ANKRD33B: variants seen among roughly 807,000 people sequenced by gnomAD.
ANKRD33B encodes the protein ankyrin repeat domain-containing protein 33B.
ANKRD33B carries 6 observed loss-of-function variants against 21.5 expected under a neutral mutation model. The ratio of observed to expected loss-of-function variants is 0.28; its 90% CI spans 0.15 to 0.55. The LOEUF is 0.55. Ranked by LOEUF, ANKRD33B falls within the 20% of genes least tolerant of loss-of-function variation. The pLI is 0.94. For missense variants in ANKRD33B, 698 were observed against 747.2 expected (o/e 0.93, Z 0.77); for synonymous variants, 347 against 342.4 (o/e 1.01, Z -0.15).
intron 1 of ANKRD33B, among the ~76,000 whole-genome samples, chr5:10,616,980 C>T (rs912421596): frequency 2.6e-5 from 4 of 152,276 alleles, no homozygotes; most frequent in South Asian, 4.1e-4. Flanking sequence ...GGTTCTGGCC[C>T]GGGCCCTCTT....
intron 1 of ANKRD33B, among the ~76,000 whole-genome samples, chr5:10,615,068 A>C (rs1444707133): frequency 1.3e-5 from 2 of 152,154 alleles, no homozygotes; most frequent in East Asian, 3.9e-4. Flanking sequence ...TGAGGTGAGA[A>C]GGAGGGAAGA....
At chr5:10,594,698 G>A (rs1364127062) in intron 1 of ANKRD33B, among the ~76,000 whole-genome samples, 3 of 152,232 alleles carry the variant, frequency 2.0e-5, no homozygotes, top group Non-Finnish European at 2.9e-5. Context: ...TAAGAAGAAC[G>A]ACTCCTTGAA....
At position 10,649,950 on chromosome 5, in the gene ANKRD33B, C is replaced by T. The variant is rs1280604127; in HGVS notation, c.1322C>T (p.Pro441Leu). The change falls in exon 4 of 4, where the codon CCG (proline) becomes CTG (leucine). Residue 441 changes from proline (P) to leucine (L), a missense_variant. Physicochemically the swap from Pro to Leu is moderately conservative, Grantham distance 98. Around this residue, in one of 3 missense-constraint regions of ANKRD33B, gnomAD observed 543 missense variants for 566.5 expected, o/e 0.96. Coordinates refer to ENST00000296657, the MANE Select transcript of ANKRD33B (RefSeq NM_001164440.2). ...GCGCCCACCTTCCAGCCCGAGCGGCCGGCGCGGAAGGGCAGCACCAAGGAC... is the reference window on the plus strand; with the variant it reads ...GCGCCCACCTTCCAGCCCGAGCGGCTGGCGCGGAAGGGCAGCACCAAGGAC... ...APAPTFQPER[P>L]ARKGSTKDSG... 2.6e-6 allele frequency: 4 copies of T among 1,530,134 alleles called. No individual in the cohort carries two copies. Among genetic ancestry groups the T allele is most frequent in the East Asian group, 2.5e-5 (1 of 40,460 alleles). 94.8% of individuals were successfully genotyped at this position (1,530,134 alleles called of 1,614,324 possible).
At chr5:10,590,769 A>G (rs928124062) in intron 1 of ANKRD33B, among the ~76,000 whole-genome samples, 1 of 151,158 alleles carries the variant, frequency 6.6e-6, no homozygotes, top group Admixed American at 6.6e-5. Flanking sequence ...AGCTCCTCCT[A>G]CCCTTCACTA....
chr5:10,611,820 A>G (rs559543745), intron 1 of ANKRD33B, among the ~76,000 whole-genome samples: 4 of 152,362 alleles, frequency 2.6e-5, no homozygotes, highest in African/African-American at 9.6e-5. Context: ...GAGTCCCTTC[A>G]GAAAGGAAGT....
rs1198493944 is a variant in ANKRD33B, at chr5:10,576,811, C to T, written c.366+11978C>T. ...ATAGCACATCCACATGGTGAGGCCTCTTTTGTAACTGTTAAAAGTGGCAGC... is the reference window on the plus strand; with the variant it reads ...ATAGCACATCCACATGGTGAGGCCTTTTTTGTAACTGTTAAAAGTGGCAGC... On this transcript the variant is annotated intron_variant, in intron 1 of 3. Coordinates refer to ENST00000296657, the MANE Select transcript of ANKRD33B (RefSeq NM_001164440.2). The surrounding 1 kb of genome is among the most constrained non-coding windows in gnomAD (Gnocchi z 4.1). Among the ~76,000 whole-genome samples, 2 of 152,222 alleles carry T rather than the reference C, an allele frequency of 1.3e-5. No homozygotes were observed. The highest frequency in any genetic ancestry group is 3.8e-4 in the East Asian group (2 of 5,204).
chr5:10,648,531 G>A (rs951834456), intron 3 of ANKRD33B, among the ~76,000 whole-genome samples: 25 of 152,108 alleles, frequency 1.6e-4, no homozygotes, highest in African/African-American at 6.0e-4. Flanking sequence ...AGGCCGAGGC[G>A]GGTGGATCAC....
intron 1 of ANKRD33B, among the ~76,000 whole-genome samples, chr5:10,579,524 T>A (rs1735396913): frequency 6.6e-6 from 1 of 152,190 alleles, no homozygotes; most frequent in Admixed American, 6.5e-5. Flanking sequence ...TACTTGTGCA[T>A]GACTTTGAAA....
At chr5:10,566,246 C>G (rs1367023264) in intron 1 of ANKRD33B, among the ~76,000 whole-genome samples, 1 of 152,206 alleles carries the variant, frequency 6.6e-6, no homozygotes, top group Non-Finnish European at 1.5e-5. Context: ...CCTGTAGTTC[C>G]TGCTGCCATT....
chr5:10,589,055 T>G (rs1474374972), intron 1 of ANKRD33B, among the ~76,000 whole-genome samples: 1 of 152,158 alleles, frequency 6.6e-6, no homozygotes, highest in African/African-American at 2.4e-5. Context: ...CCCCATACCC[T>G]GAGCTGCTTG....
intron 2 of ANKRD33B, among the ~76,000 whole-genome samples, chr5:10,629,344 A>G (rs1193265751): frequency 6.6e-6 from 1 of 152,184 alleles, no homozygotes; most frequent in East Asian, 1.9e-4. Flanking sequence ...TGCTGGTCTC[A>G]AATTCCCGTG....
At chr5:10,646,306 C>T (rs966545784) in intron 3 of ANKRD33B, among the ~76,000 whole-genome samples, 2 of 152,168 alleles carry the variant, frequency 1.3e-5, no homozygotes, top group Non-Finnish European at 2.9e-5. Context: ...CAGAAATCCT[C>T]TGTATTCTCT....
At chr5:10,644,005 TAAAA>T (rs71998359) in intron 3 of ANKRD33B, among the ~76,000 whole-genome samples, 97 of 141,038 alleles carry the variant, frequency 6.9e-4, no homozygotes, top group African/African-American at 2.2e-3. Flanking sequence ...GGGTAAGAAT[TAAAA>T]AAAAAAAAAA....
chr5:10,605,388 A>T (rs1004173221), intron 1 of ANKRD33B, among the ~76,000 whole-genome samples: 74 of 152,372 alleles, frequency 4.9e-4, no homozygotes, highest in African/African-American at 1.8e-3. Context: ...TGTGAATATT[A>T]GAAGTACAGG....
At chr5:10,571,456 C>T (rs1423314907) in intron 1 of ANKRD33B, among the ~76,000 whole-genome samples, 1 of 152,182 alleles carries the variant, frequency 6.6e-6, no homozygotes. Context: ...CCCACCTCAG[C>T]CTCCCAAAGC....
At chr5:10,605,700 T>G (rs568085031) in intron 1 of ANKRD33B, among the ~76,000 whole-genome samples, 8 of 152,170 alleles carry the variant, frequency 5.3e-5, no homozygotes, top group Admixed American at 1.3e-4. Context: ...AGCTAATTTT[T>G]GTATGATTAG....
At chr5:10,649,154 TG>T in intron 3 of ANKRD33B, 111 bp from the exon 4 acceptor site, 1 of 1,427,304 alleles carries the variant, frequency 7.0e-7, no homozygotes. Context: ...TTAGGAGGCT[TG>T]GGGCCAGGGG....
intron 1 of ANKRD33B, among the ~76,000 whole-genome samples, chr5:10,583,783 T>C (rs1735497317): frequency 6.6e-6 from 1 of 152,256 alleles, no homozygotes; most frequent in Admixed American, 6.5e-5. Context: ...TCCTATTCTG[T>C]AAGATGGAAA....
intron 1 of ANKRD33B, among the ~76,000 whole-genome samples, chr5:10,603,005 G>A (rs974052521): frequency 6.6e-6 from 1 of 151,952 alleles, no homozygotes; most frequent in African/African-American, 2.4e-5. Context: ...GTAGAGACGC[G>A]GTTTTGCCAT....
Sources: gnomAD v4.1 joint callset for allele counts (sites outside exome capture counted in the v4.1 genomes callset) on GRCh38, gnomAD v4.1.1 for gene constraint, gnomAD v4.1.1 regional missense constraint, Gnocchi (gnomAD v3.1) non-coding constraint, MANE v1.5 for transcripts, NCBI Gene and HGNC (gene_info 2026-07-23, HGNC 2026-07-21) for gene names.